The following MYH8 variants were observed in gnomAD, a reference collection of about 807,000 sequenced individuals.
MYH8 encodes myosin heavy chain 8.
MYH8 carries 168 observed loss-of-function variants against 233.2 expected under a neutral mutation model. The ratio of observed to expected loss-of-function variants is 0.72; its 90% CI spans 0.64 to 0.82. MYH8 has a LOEUF of 0.82. Ranked by LOEUF, MYH8 falls within the 40% of genes least tolerant of loss-of-function variation. MYH8 has a pLI of 0.00. For missense variants in MYH8, 1,995 were observed against 2,327.8 expected, an observed-to-expected ratio of 0.86 and a Z score of 2.94; for synonymous variants, 785 against 850.6, an observed-to-expected ratio of 0.92 and a Z score of 1.34.
rs779138246 is a variant in MYH8, at chr17:10,393,123, G to A, written c.5254C>T (p.Arg1752Cys). Residue 1752 changes from arginine to cysteine, a missense_variant, in exon 36 of 40, where the codon CGC (arginine) becomes TGC (cysteine). By Grantham distance (180) the Arg-to-Cys change is radical. This residue lies in a region of MYH8 where 1,498 missense variants were observed against 1,680.9 expected (regional missense o/e 0.89). Coordinates refer to ENST00000403437, the MANE Select transcript of MYH8 (RefSeq NM_002472.3). ...TTCTTGGCTTTCTCTTCTGCATTGC[G>A]TGATTCTTGGATTACTTCTTCCACT... ...SEVEEVIQES[R>C]NAEEKAKKAI... 22 of 1,614,072 alleles carry A rather than the reference G, an allele frequency of 1.4e-5. 1 individual carries two copies. The highest frequency in any genetic ancestry group is 1.6e-4 in the Middle Eastern group (1 of 6,084).
chr17:10,393,106 T>C lies in MYH8; in HGVS notation c.5271A>G (p.Lys1757=), dbSNP rs1435568708. 1 of 1,614,240 alleles carries C rather than the reference T, an allele frequency of 6.2e-7. No individual in the cohort carries two copies. Among genetic ancestry groups the C allele is most frequent in the South Asian group, 1.1e-5 (1 of 91,082 alleles). Residue 1757 remains lysine, a synonymous_variant, in exon 36 of 40, where the codon AAA becomes AAG. Coordinates refer to ENST00000403437, the MANE Select transcript of MYH8 (RefSeq NM_002472.3). ...VIQESRNAEE[K]AKKAITDAAM... ...TTACATCAGTGATGGCCTTCTTGGCTTTCTCTTCTGCATTGCGTGATTCTT... is the reference window on the plus strand; with the variant it reads ...TTACATCAGTGATGGCCTTCTTGGCCTTCTCTTCTGCATTGCGTGATTCTT...
chr17:10,400,695 G>A lies in MYH8; in HGVS notation c.3430C>T (p.Arg1144Trp), dbSNP rs1161189464. 1 of 1,614,148 alleles carries A rather than the reference G, an allele frequency of 6.2e-7. No individual in the cohort carries two copies. The change falls in exon 27 of 40, where the codon CGG becomes TGG. Residue 1144 changes from arginine (R) to tryptophan (W), a missense_variant. Physicochemically the swap from Arg to Trp is moderately radical, Grantham distance 101. Transcript: ENST00000403437. The surrounding 1 kb of genome is among the most constrained non-coding windows in gnomAD (Gnocchi z 4.0). The part of the protein sequence containing the change: ...KAEKQRSDLS[R>W]ELEEISERLE... Reference sequence around the variant, plus strand: ...CTCTCGCTGATCTCCTCCAGTTCCCGGGAGAGGTCAGAGCGCTGCTTCTCC... The same window carrying A: ...CTCTCGCTGATCTCCTCCAGTTCCCAGGAGAGGTCAGAGCGCTGCTTCTCC...
chr17:10,413,223 T>C (rs1372305701), intron 12 of MYH8, among the ~76,000 whole-genome samples: 1 of 152,172 alleles, frequency 6.6e-6, no homozygotes, highest in Admixed American at 6.5e-5. Flanking sequence ...TAAAATTCTG[T>C]CGGTGACTAT....
rs932511304 is a variant in MYH8 at position 10,399,657 on chromosome 17, T to C, written c.3748A>G (p.Lys1250Glu). The change falls in exon 28 of 40, where the codon AAG becomes GAG. Residue 1250 changes from lysine to glutamate, a missense_variant. Lys to Glu is a moderately conservative substitution (Grantham distance 56). Coordinates refer to ENST00000403437, the MANE Select transcript of MYH8 (RefSeq NM_002472.3). Reference sequence around the variant, plus strand: ...TGATCTTCTAGAGAGCGGCACATCTTTTCAAGGTTTCCCTACAGGATATGT... The same window carrying C: ...TGATCTTCTAGAGAGCGGCACATCTCTTCAAGGTTTCCCTACAGGATATGT... ...AISKAKGNLE[K>E]MCRSLEDQVS... is the part of the protein sequence containing the mutation. The C allele has an allele frequency of 1.2e-6, 2 of 1,613,928 alleles. No homozygotes were observed. Among genetic ancestry groups the C allele is most frequent in the African/African-American group, 2.7e-5 (2 of 74,900 alleles).
intron 22 of MYH8, among the ~76,000 whole-genome samples, chr17:10,403,433 A>G (rs943248305): frequency 9.2e-5 from 14 of 152,302 alleles, no homozygotes; most frequent in African/African-American, 3.1e-4. Context: ...TAAATGGAAT[A>G]TAATGGGAAC....
rs1299882695 is a variant in MYH8, at chr17:10,396,022, T to C, written c.4653+308A>G. On this transcript the variant is annotated intron_variant, in intron 33 of 39. Transcript: ENST00000403437. The surrounding 1 kb of genome is among the most constrained non-coding windows in gnomAD (Gnocchi z 4.2). ...AAATTACTGTCTACCGTAAAATATT[T>C]TTCCAAAATAATCATATTTCATGGC... Among the ~76,000 whole-genome samples the C allele has an allele frequency of 6.6e-6, 1 of 152,214 alleles. No individual in the cohort carries two copies. The highest frequency in any genetic ancestry group is 1.5e-5 in the Non-Finnish European group (1 of 68,020).
rs115483891 is a variant in MYH8 at position 10,406,714 on chromosome 17, A to T, written c.2147T>A (p.Ile716Asn). 3.6e-4 allele frequency: 575 copies of T among 1,614,102 alleles called. 2 individuals are homozygous for T. In the African/African-American group the frequency reaches 7.0e-3, roughly 20 times the overall value. Residue 716 changes from isoleucine (I) to asparagine (N), a missense_variant, in exon 19 of 40, where the codon ATC becomes AAC. Ile to Asn is a moderately radical substitution (Grantham distance 149). Around this residue, in one of 3 missense-constraint regions of MYH8, gnomAD observed 1,498 missense variants for 1,680.9 expected, o/e 0.89. Coordinates refer to ENST00000403437, the MANE Select transcript of MYH8 (RefSeq NM_002472.3). ...CCTTTGTTTGAAATCACCATATAAG[A>T]TTCTGCTTGGGAATCCTTTCCTACA... ...RICRKGFPSR[I>N]LYGDFKQRYK...
In MYH8 at chr17:10,398,994, G is replaced by GTGTATATATATATATATA. The variant is rs1555555758; in HGVS notation, c.3863-109_3863-108insTATATATATATATATACA. The GTGTATATATATATATATA allele has an allele frequency of 6.8e-4, 212 of 312,696 alleles. 1 individual carries two copies. Among genetic ancestry groups the GTGTATATATATATATATA allele is most frequent in the African/African-American group, 4.8e-3 (202 of 42,228 alleles). The allele number at this position is 312,696 out of a possible 1,614,324, so 19.4% of individuals were successfully genotyped here. ...TATATATATGTATATATGTGTGTGTGTATATATATATATATATATATATAC... is the reference window on the plus strand; with the variant it reads ...TATATATATGTATATATGTGTGTGTGTGTATATATATATATATATATATATATATATATATATATATAC... On this transcript the variant is annotated intron_variant, in intron 28 of 39. Transcript: ENST00000403437.
chr17:10,415,407 C>T lies in MYH8; in HGVS notation c.649-23G>A. On this transcript the variant is annotated intron_variant, in intron 7 of 39. Transcript: ENST00000403437. The surrounding 1 kb of genome is among the most constrained non-coding windows in gnomAD (Gnocchi z 4.1). ...CCCCTGCAAAGGAAGGAGCAGTTCT[C>T]ACATCTGGGACTCCAGATGTCTGAG... 1 of 1,613,468 alleles carries T rather than the reference C, an allele frequency of 6.2e-7. No individual in the cohort carries two copies. Among genetic ancestry groups the T allele is most frequent in the South Asian group, 1.1e-5 (1 of 91,062 alleles).
rs762311636 is a variant in MYH8, at chr17:10,415,432, G to C, written c.648+40C>G. 8.7e-6 allele frequency: 14 copies of C among 1,613,226 alleles called. No homozygotes were observed. Among genetic ancestry groups the C allele is most frequent in the Non-Finnish European group, 1.1e-5 (13 of 1,179,134 alleles). On this transcript the variant is annotated intron_variant, in intron 7 of 39. Transcript: ENST00000403437. This position sits in a 1 kb window ranked among gnomAD's most constrained non-coding sequence, Gnocchi z 4.1. ...CACATCTGGGACTCCAGATGTCTGA[G>C]AGCCTTGACAGAGGTTTTGACTCTG... is the stretch of plus-strand genomic sequence containing the variant.
At chr17:10,408,982 T>G in intron 17 of MYH8, 115 bp downstream of exon 17, 1 of 934,588 alleles carries the variant, frequency 1.1e-6, no homozygotes, top group Non-Finnish European at 1.7e-6. Context: ...TGACGAGAGC[T>G]GATATTTGAA....
Position 10,396,517 on chromosome 17 carries a change from G to C in MYH8, c.4528+36C>G. On this transcript the variant is annotated intron_variant, in intron 32 of 39. Coordinates refer to ENST00000403437, the MANE Select transcript of MYH8 (RefSeq NM_002472.3). The surrounding 1 kb of genome is among the most constrained non-coding windows in gnomAD (Gnocchi z 4.2). Reference sequence around the variant, plus strand: ...ATGGCAACATGGAAAGGTCCTCCCAGGGATATATGGAGTAGGGAGGACTGT... The same window carrying C: ...ATGGCAACATGGAAAGGTCCTCCCACGGATATATGGAGTAGGGAGGACTGT... 6.2e-7 allele frequency: 1 copy of C among 1,613,844 alleles called. No individual in the cohort carries two copies. Among genetic ancestry groups the C allele is most frequent in the Non-Finnish European group, 8.5e-7 (1 of 1,179,872 alleles).
Position 10,418,769 on chromosome 17 carries a change from G to T in MYH8, c.387C>A (p.Asn129Lys), listed in dbSNP as rs754559937. The T allele has an allele frequency of 7.4e-6, 12 of 1,613,772 alleles. No individual in the cohort carries two copies. In the Admixed American group the frequency reaches 2.0e-4, roughly 27 times the overall value. Residue 129 changes from asparagine to lysine, a missense_variant, in exon 5 of 40, where the codon AAC (asparagine) becomes AAA (lysine). Asn to Lys is a moderately conservative substitution (Grantham distance 94, BLOSUM62 0). Coordinates refer to ENST00000403437, the MANE Select transcript of MYH8 (RefSeq NM_002472.3). ...TGTACACCGGCAGCCACTTGTAGGG[G>T]TTGACGGTGACACAGAAGAGGCCTG... ...TYSGLFCVTV[N>K]PYKWLPVYKP...
rs1404412785 is a variant in MYH8, at chr17:10,392,882, C to A, written c.5412G>T (p.Glu1804Asp). Residue 1804 changes from glutamate to aspartate, a missense_variant, in exon 37 of 40, where the codon GAG (glutamate) becomes GAT (aspartate). This residue lies in a region of MYH8 where 1,498 missense variants were observed against 1,680.9 expected (regional missense o/e 0.89). Transcript: ENST00000403437. ...TCTTCCCACCCTTCAGCGCCAGCTGCTCGGCCTCATCTAGACGATGCTGCA... is the reference window on the plus strand; with the variant it reads ...TCTTCCCACCCTTCAGCGCCAGCTGATCGGCCTCATCTAGACGATGCTGCA... ...KDLQHRLDEA[E>D]QLALKGGKKQ... is the part of the protein sequence containing the mutation. 1 of 1,614,208 alleles carries A rather than the reference C, an allele frequency of 6.2e-7. No individual in the cohort carries two copies.
intron 17 of MYH8, among the ~76,000 whole-genome samples, chr17:10,407,621 A>G (rs1439183476): frequency 5.3e-5 from 8 of 152,010 alleles, no homozygotes; most frequent in African/African-American, 1.9e-4. Context: ...CGGGCGGATC[A>G]TGAGGTCAGG....
chr17:10,421,603 C>T (rs2072340244), intron 2 of MYH8, 60 bp downstream of exon 2: 1 of 152,184 alleles, frequency 6.6e-6, no homozygotes, highest in Non-Finnish European at 1.5e-5. Context: ...CAGGATTGTT[C>T]ACAGCTTCAT....
At position 10,396,922 on chromosome 17, in the gene MYH8, C is replaced by T; in HGVS notation, c.4243G>A (p.Ala1415Thr). 1 of 1,614,226 alleles carries T rather than the reference C, an allele frequency of 6.2e-7. No individual in the cohort carries two copies. The highest frequency in any genetic ancestry group is 8.5e-7 in the Non-Finnish European group (1 of 1,180,044). The change falls in exon 31 of 40, where the codon GCT becomes ACT. Residue 1415 changes from alanine to threonine, a missense_variant. Transcript: ENST00000403437. This position sits in a 1 kb window ranked among gnomAD's most constrained non-coding sequence, Gnocchi z 4.2. Reference sequence around the variant, plus strand: ...CGCTGCTTCGTCTTCTCAAGGGAAGCACATTTGGCGTTCACAGCTTCTACA... The same window carrying T: ...CGCTGCTTCGTCTTCTCAAGGGAAGTACATTTGGCGTTCACAGCTTCTACA... ...EHVEAVNAKC[A>T]SLEKTKQRLQ...
At position 10,399,644 on chromosome 17, in the gene MYH8, G is replaced by A. The variant is rs537351462; in HGVS notation, c.3761C>T (p.Ser1254Phe). The change falls in exon 28 of 40, where the codon TCT (serine) becomes TTT (phenylalanine). Residue 1254 changes from serine (S) to phenylalanine (F), a missense_variant. This residue lies in a region of MYH8 where 1,498 missense variants were observed against 1,680.9 expected (regional missense o/e 0.89). Transcript: ENST00000403437. ...AKGNLEKMCR[S>F]LEDQVSELKT... ...AAGCTCACTCACTTGATCTTCTAGA[G>A]AGCGGCACATCTTTTCAAGGTTTCC... 18 of 1,614,082 alleles carry A rather than the reference G, an allele frequency of 1.1e-5. No individual in the cohort carries two copies. The highest frequency in any genetic ancestry group is 7.7e-5 in the South Asian group (7 of 91,080).
chr17:10,398,848 C>T lies in MYH8; in HGVS notation c.3901G>A (p.Val1301Ile), dbSNP rs747753372. Residue 1301 changes from valine to isoleucine, a missense_variant, in exon 29 of 40, where the codon GTC becomes ATC. Transcript: ENST00000403437. ...TGCTTGCTCCTTGAAAGCTGAGAGA[C>T]TAAAGCATCTTTCTCATCTAATTGT... ...SRQLDEKDAL[V>I]SQLSRSKQAS... 1 of 1,613,604 alleles carries T rather than the reference C, an allele frequency of 6.2e-7. No individual in the cohort carries two copies. The highest frequency in any genetic ancestry group is 2.2e-5 in the East Asian group (1 of 44,884).
Sources: allele counts gnomAD v4.1 joint callset (sites outside exome capture counted in the v4.1 genomes callset), GRCh38; gene constraint gnomAD v4.1.1; regional missense constraint gnomAD v4.1.1; non-coding constraint Gnocchi (gnomAD v3.1); transcripts MANE v1.5; gene names NCBI Gene and HGNC (gene_info 2026-07-23, HGNC 2026-07-21).